Variants in SASH1 observed in about 807,000 individuals in gnomAD.
SASH1 encodes the protein SAM and SH3 domain-containing protein 1.
In SASH1, 44 loss-of-function variants were observed where a neutral mutation model predicts 125.2. The ratio of observed to expected loss-of-function variants is 0.35; its 90% confidence interval spans 0.28 to 0.45. SASH1 has a LOEUF of 0.45. Ranked by LOEUF, SASH1 falls within the 20% of genes least tolerant of loss-of-function variation. SASH1 has a pLI of 1.00. For synonymous variants in SASH1, 639 were observed against 649.1 expected, an observed-to-expected ratio of 0.98 and a Z score of 0.24; for missense variants, 1,426 against 1,614.5, an observed-to-expected ratio of 0.88 and a Z score of 2.00.
At chr6:148,279,845 G>A (rs957042051) in intron 1 of SASH1, among the ~76,000 whole-genome samples, 3 of 151,878 alleles carry the variant, frequency 2.0e-5, no homozygotes, top group African/African-American at 7.3e-5. Flanking sequence ...AAATTAGCTG[G>A]GTGTGGTGGT....
chr6:148,418,316 G>A (rs756902051), intron 2 of SASH1, among the ~76,000 whole-genome samples: 13 of 152,208 alleles, frequency 8.5e-5, no homozygotes, highest in Non-Finnish European at 1.6e-4. Context: ...CTGCCTACTC[G>A]GGATAAACAA....
At position 148,467,088 on chromosome 6, in the gene SASH1, C is replaced by CTTTTTTTT. The variant is rs71004298; in HGVS notation, c.387-1439_387-1432dup. Reference sequence around the variant, plus strand: ...CTCCACACTCTACTGTTCCCTGTTCCTTTTTTTTTTTTTTTTTTTTTTTTT... The same window carrying CTTTTTTTT: ...CTCCACACTCTACTGTTCCCTGTTCCTTTTTTTTTTTTTTTTTTTTTTTTTTTTTTTTT... On this transcript the variant is annotated intron_variant, in intron 4 of 19. Coordinates refer to ENST00000367467, the MANE Select transcript of SASH1 (RefSeq NM_015278.5). 6.0e-4 allele frequency among the ~76,000 whole-genome samples: 42 copies of CTTTTTTTT among 69,956 alleles called. 1 individual carries two copies. The highest frequency in any genetic ancestry group is 7.5e-4 in the Non-Finnish European group (31 of 41,142). 45.9% of individuals were successfully genotyped at this position (69,956 alleles called of 152,430 possible). A position where few individuals can be genotyped will look rare whatever the true frequency, so the allele number is the denominator to read the frequency against.
intron 4 of SASH1, among the ~76,000 whole-genome samples, chr6:148,456,031 A>G (rs1292313129): frequency 6.6e-6 from 1 of 152,194 alleles, no homozygotes; most frequent in Non-Finnish European, 1.5e-5. Context: ...AGGCTGCACA[A>G]CGGCCTGCGT....
chr6:148,219,415 G>T, the SASH1 span, among the ~76,000 whole-genome samples: 1 of 152,058 alleles, frequency 6.6e-6, no homozygotes, highest in East Asian at 1.9e-4. Flanking sequence ...TTTCCCCTAT[G>T]ATCAAAGTTC....
intron 2 of SASH1, among the ~76,000 whole-genome samples, chr6:148,413,159 C>T (rs185044925): frequency 2.6e-5 from 4 of 152,262 alleles, no homozygotes; most frequent in East Asian, 1.9e-4. Context: ...AGAATAGGTT[C>T]CATCCATAAT....
the SASH1 span, among the ~76,000 whole-genome samples, chr6:148,239,037 C>T: frequency 6.6e-6 from 1 of 152,132 alleles, no homozygotes; most frequent in Non-Finnish European, 1.5e-5. Flanking sequence ...CATGAGTTTG[C>T]CATGCCAGAT....
At chr6:148,321,179 G>A (rs775362146) in intron 1 of SASH1, among the ~76,000 whole-genome samples, 20 of 152,124 alleles carry the variant, frequency 1.3e-4, no homozygotes, top group South Asian at 4.1e-4. Context: ...ATCACTTGAG[G>A]TCAGGAGTTC....
intron 4 of SASH1, among the ~76,000 whole-genome samples, chr6:148,443,152 AAAAAAAAAAAAAAAT>A (rs1776618808): frequency 1.9e-5 from 1 of 53,058 alleles, no homozygotes; most frequent in Non-Finnish European, 4.3e-5. Context: ...AGAAAAAAAA[AAAAAAAAAAAAAAAT>A]GGCTCACGGC....
At chr6:148,527,000 G>A (rs2115383315) in intron 11 of SASH1, among the ~76,000 whole-genome samples, 1 of 152,024 alleles carries the variant, frequency 6.6e-6, no homozygotes, top group South Asian at 2.1e-4. Flanking sequence ...AGCTTCCTGA[G>A]TAGCTGGGAC....
At chr6:148,283,661 C>T (rs1779405735) in intron 1 of SASH1, among the ~76,000 whole-genome samples, 1 of 152,088 alleles carries the variant, frequency 6.6e-6, no homozygotes, top group Non-Finnish European at 1.5e-5. Context: ...GTAATCCCAG[C>T]TATTTGGGAG....
chr6:148,378,873 G>A (rs1240197381), intron 1 of SASH1, among the ~76,000 whole-genome samples: 2 of 152,176 alleles, frequency 1.3e-5, no homozygotes, highest in Non-Finnish European at 2.9e-5. Context: ...GCAGCATTAA[G>A]ATTCACAGCT....
intron 1 of SASH1, among the ~76,000 whole-genome samples, chr6:148,353,314 C>A (rs997083992): frequency 1.3e-5 from 2 of 152,038 alleles, no homozygotes; most frequent in African/African-American, 4.8e-5. Context: ...TGGCCTCAAG[C>A]AGTCCTCCCA....
chr6:148,370,186 G>A (rs1782656342), intron 1 of SASH1, among the ~76,000 whole-genome samples: 1 of 152,070 alleles, frequency 6.6e-6, no homozygotes, highest in Non-Finnish European at 1.5e-5. Flanking sequence ...AGTATTCTGT[G>A]GCCTTTTAAG....
chr6:148,543,144 T>C (rs969943201), intron 17 of SASH1, among the ~76,000 whole-genome samples: 3 of 152,228 alleles, frequency 2.0e-5, no homozygotes, highest in Non-Finnish European at 4.4e-5. Flanking sequence ...TACCTGTCTG[T>C]GTCCAGGTTG....
intron 1 of SASH1, among the ~76,000 whole-genome samples, chr6:148,368,702 C>T (rs1015303473): frequency 6.7e-6 from 1 of 150,156 alleles, no homozygotes. Context: ...TACAGATGCT[C>T]AATAAATGGA....
the SASH1 span, among the ~76,000 whole-genome samples, chr6:148,211,878 C>G: frequency 6.6e-6 from 1 of 152,186 alleles, no homozygotes; most frequent in Non-Finnish European, 1.5e-5. Flanking sequence ...CTGGAACCCC[C>G]ACGTTCCTTC....
intron 8 of SASH1, among the ~76,000 whole-genome samples, chr6:148,510,297 G>C (rs1780041713): frequency 6.6e-6 from 1 of 152,152 alleles, no homozygotes; most frequent in Admixed American, 6.5e-5. Context: ...ACAATTTTTG[G>C]TGGGATAAGT....
chr6:148,424,248 G>C lies in SASH1; in HGVS notation c.286-15936G>C, dbSNP rs1382395294. On this transcript the variant is annotated intron_variant, in intron 2 of 19. Coordinates refer to ENST00000367467, the MANE Select transcript of SASH1 (RefSeq NM_015278.5). ...GTTCTTCTTCTTTTTTTTTTTTGGG[G>C]GGGGGAGGTGGGACAGGGTCTCGCT... Among the ~76,000 whole-genome samples, 7 of 150,420 alleles carry C rather than the reference G, an allele frequency of 4.7e-5. 1 individual carries two copies. In the South Asian group the frequency reaches 1.3e-3, roughly 27 times the overall value.
At chr6:148,387,819 A>G (rs1783534430) in intron 1 of SASH1, among the ~76,000 whole-genome samples, 1 of 150,138 alleles carries the variant, frequency 6.7e-6, no homozygotes, top group Non-Finnish European at 1.5e-5. Flanking sequence ...GCTTACTGCA[A>G]CCTTTGCCTC....
Sources: allele counts gnomAD v4.1 joint callset (sites outside exome capture counted in the v4.1 genomes callset), GRCh38; gene constraint gnomAD v4.1.1; transcripts MANE v1.5; gene names NCBI Gene and HGNC (gene_info 2026-07-23, HGNC 2026-07-21).